SLC25A48: variants seen among roughly 807,000 people sequenced by gnomAD.
SLC25A48 encodes solute carrier family 25 member 48.
SLC25A48 carries 29 observed loss-of-function variants against 32.2 expected under a neutral mutation model. The observed-to-expected ratio is 0.90, with a 90% CI of 0.67 to 1.23. The LOEUF is 1.23. Ranked by LOEUF, SLC25A48 falls within the 50% of genes most tolerant of loss-of-function variation. SLC25A48 has a pLI of 0.00. For synonymous variants in SLC25A48, 164 were observed against 172.3 expected (o/e 0.95, Z 0.38); for missense variants, 399 against 422.7 (o/e 0.94, Z 0.49).
chr5:135,867,828 G>T (rs1483529337), intron 4 of SLC25A48, among the ~76,000 whole-genome samples: 1 of 152,190 alleles, frequency 6.6e-6, no homozygotes, highest in Non-Finnish European at 1.5e-5. Context: ...GACCCAATAT[G>T]AATCATCCAT....
chr5:135,714,610 TG>T (rs1430704868), intron 3 of SLC25A48: 3 of 152,282 alleles, frequency 2.0e-5, no homozygotes, highest in African/African-American at 4.8e-5. Context: ...TTAGGTGCCC[TG>T]GCTGCAAAAA....
intron 3 of SLC25A48, among the ~76,000 whole-genome samples, chr5:135,792,608 C>T (rs1043020531): frequency 6.6e-6 from 1 of 151,658 alleles, no homozygotes; most frequent in East Asian, 1.9e-4. Context: ...GCATTTACAC[C>T]TTGTTTGTAC....
chr5:135,692,837 A>G (rs1320571787), intron 3 of SLC25A48, among the ~76,000 whole-genome samples: 1 of 152,208 alleles, frequency 6.6e-6, no homozygotes, highest in Non-Finnish European at 1.5e-5. Context: ...CTAAGAGATG[A>G]ATATCTGTTT....
intron 3 of SLC25A48, among the ~76,000 whole-genome samples, chr5:135,754,492 GAT>G (rs1464453708): frequency 1.3e-5 from 2 of 151,630 alleles, no homozygotes; most frequent in African/African-American, 4.8e-5. Flanking sequence ...TACACACTGT[GAT>G]ATTAATAAAA....
chr5:135,707,397 G>A (rs954338654), intron 3 of SLC25A48, among the ~76,000 whole-genome samples: 2 of 152,174 alleles, frequency 1.3e-5, no homozygotes, highest in Non-Finnish European at 2.9e-5. Context: ...CTCCCACTGA[G>A]TCTGCAAGCG....
At chr5:135,863,549 A>G (rs191022599) in intron 4 of SLC25A48, among the ~76,000 whole-genome samples, 2 of 152,336 alleles carry the variant, frequency 1.3e-5, no homozygotes, top group Admixed American at 6.5e-5. Context: ...CAGTAACACT[A>G]ATAACTGCAG....
intron 3 of SLC25A48, among the ~76,000 whole-genome samples, chr5:135,777,234 T>C (rs11242275): frequency 0.76 from 115,113 of 151,628 alleles, 44,277 homozygotes; most frequent in Middle Eastern, 0.87. Context: ...GGAGTGTACT[T>C]TCCTCCTGTC....
At chr5:135,834,059 C>T (rs1004935242), upstream of SLC25A48, among the ~76,000 whole-genome samples, 1 of 152,220 alleles carries the variant, frequency 6.6e-6, no homozygotes, top group Non-Finnish European at 1.5e-5. Context: ...AAGACACTCT[C>T]ATTGTAATCA....
At chr5:135,688,470 CA>C (rs1754069187) in intron 3 of SLC25A48, among the ~76,000 whole-genome samples, 1 of 152,292 alleles carries the variant, frequency 6.6e-6, no homozygotes, top group South Asian at 2.1e-4. Flanking sequence ...AGAAGTTCAG[CA>C]ACACTGAAGA....
At chr5:135,849,362 C>T (rs1243595580) in intron 2 of SLC25A48, among the ~76,000 whole-genome samples, 2 of 152,150 alleles carry the variant, frequency 1.3e-5, no homozygotes, top group African/African-American at 2.4e-5. Flanking sequence ...TGTGTGCTGA[C>T]AAAGTGTTTT....
intron 3 of SLC25A48, among the ~76,000 whole-genome samples, chr5:135,800,666 G>A (rs777967854): frequency 6.6e-6 from 1 of 151,702 alleles, no homozygotes; most frequent in Non-Finnish European, 1.5e-5. Flanking sequence ...TTCCAATATC[G>A]TAAACACCTT....
chr5:135,670,139 G>T (rs1462153369), intron 3 of SLC25A48, among the ~76,000 whole-genome samples: 1 of 152,148 alleles, frequency 6.6e-6, no homozygotes, highest in Non-Finnish European at 1.5e-5. Flanking sequence ...CAGGGCAGTA[G>T]ACCTGAATTT....
At chr5:135,887,962 G>A in intron 7 of SLC25A48, 70 bp from the exon 8 acceptor site, 5 of 1,411,088 alleles carry the variant, frequency 3.5e-6, no homozygotes, top group Non-Finnish European at 4.9e-6. Context: ...GGGGTGGCCT[G>A]GTGTGATTTT....
At position 135,676,723 on chromosome 5, in the gene SLC25A48, G is replaced by A. The variant is rs573570644; in HGVS notation, c.-521+41767G>A. Among the ~76,000 whole-genome samples the A allele has an allele frequency of 1.7e-4, 26 of 151,996 alleles. No homozygotes were observed. In the South Asian group the frequency reaches 4.8e-3, roughly 28 times the overall value. ...TTCTTTATTCCTCCTTGAAAAAGGG[G>A]TTATTCAGGAGCATGTTGTTTAATT... On this transcript the variant is annotated intron_variant, in intron 3 of 10. Transcript: ENST00000646290.
chr5:135,820,709 A>G (rs1485735764), intron 4 of SLC25A48, among the ~76,000 whole-genome samples: 2 of 152,364 alleles, frequency 1.3e-5, no homozygotes, highest in Admixed American at 1.3e-4. Flanking sequence ...GGTTAGGGAC[A>G]AATAATTTAT....
intron 7 of SLC25A48, among the ~76,000 whole-genome samples, chr5:135,882,150 T>C (rs1248167154): frequency 6.6e-6 from 1 of 152,246 alleles, no homozygotes; most frequent in Non-Finnish European, 1.5e-5. Context: ...TAGATGTCTG[T>C]CTCCCTTAGG....
intron 3 of SLC25A48, among the ~76,000 whole-genome samples, chr5:135,695,219 C>A (rs1754237400): frequency 6.6e-6 from 1 of 152,236 alleles, no homozygotes; most frequent in Admixed American, 6.5e-5. Flanking sequence ...TCCATCCAGT[C>A]TGAGGTAGTG....
chr5:135,717,740 C>T (rs1045255007), intron 3 of SLC25A48, among the ~76,000 whole-genome samples: 1 of 152,144 alleles, frequency 6.6e-6, no homozygotes, highest in African/African-American at 2.4e-5. Context: ...GGGCTCTTCC[C>T]AAGACCTTGA....
chr5:135,728,810 T>C (rs1755152918), intron 3 of SLC25A48, among the ~76,000 whole-genome samples: 1 of 150,380 alleles, frequency 6.6e-6, no homozygotes, highest in Non-Finnish European at 1.5e-5. Flanking sequence ...AGTTTCATCC[T>C]CTTGGAATTT....
Sources: allele counts gnomAD v4.1 joint callset (sites outside exome capture counted in the v4.1 genomes callset), GRCh38; gene constraint gnomAD v4.1.1; transcripts MANE v1.5; gene names NCBI Gene and HGNC (gene_info 2026-07-23, HGNC 2026-07-21).